The following PLXNC1 variants were observed in gnomAD, a reference collection of about 807,000 sequenced individuals.
The protein encoded by PLXNC1 is plexin-C1.
In PLXNC1, 75 loss-of-function variants were observed where a neutral mutation model predicts 178.2. That is an observed-to-expected ratio of 0.42 (90% CI 0.35 to 0.51). The LOEUF (loss-of-function observed/expected upper bound fraction) is 0.51, where lower values mean the gene tolerates loss of function less well. PLXNC1 is among the 20% of genes least tolerant of loss of function. The pLI, the probability that PLXNC1 is intolerant of heterozygous loss-of-function variation, is 0.02. For synonymous variants in PLXNC1, 790 were observed against 779.9 expected, an observed-to-expected ratio of 1.01 and a Z score of -0.22; for missense variants, 1,503 against 1,984.4, an observed-to-expected ratio of 0.76 and a Z score of 4.61.
chr12:94,195,344 C>T (rs1565804164), intron 4 of PLXNC1, among the ~76,000 whole-genome samples: 1 of 152,126 alleles, frequency 6.6e-6, no homozygotes, highest in Non-Finnish European at 1.5e-5. Context: ...GAGTCAGTTA[C>T]TTGGTGGCTA....
rs201381842 is a variant in PLXNC1, at chr12:94,283,164, C to T, written c.3879+763C>T. 3.9e-3 allele frequency among the ~76,000 whole-genome samples: 578 copies of T among 149,648 alleles called. 4 individuals are homozygous for T. In the East Asian group the frequency reaches 0.041, roughly 11 times the overall value. The stretch of plus-strand genomic sequence containing the variant: ...CCTGGGGAAGGAGTGCAAAAAAGGA[C>T]GGAGAGACAAGTAGAGTCAACACCT... On this transcript the variant is annotated intron_variant, in intron 23 of 30. Transcript: ENST00000258526.
rs192048714 is a variant in PLXNC1 at position 94,186,167 on chromosome 12, A to G, written c.1339-206A>G. ...AGAGTCTCTGCGGCAGAGGCCTGGG[A>G]ATACGCACTGTCAAAAGCTCCCCAG... On this transcript the variant is annotated intron_variant, in intron 3 of 30. Transcript: ENST00000258526. The G allele has an allele frequency of 4.1e-4, 159 of 386,296 alleles. 2 individuals carry two copies. The African/African-American group carries it at 4.1e-3, about 10-fold the overall frequency. 23.9% of individuals were successfully genotyped at this position (386,296 alleles called of 1,614,324 possible). A position where few individuals can be genotyped will look rare whatever the true frequency, so the allele number is the denominator to read the frequency against.
intron 5 of PLXNC1, among the ~76,000 whole-genome samples, chr12:94,213,444 A>T (rs1205326650): frequency 2.0e-5 from 3 of 152,204 alleles, no homozygotes; most frequent in Non-Finnish European, 2.9e-5. Context: ...GGCTGCATAA[A>T]TGTCTTCTTT....
intron 20 of PLXNC1, among the ~76,000 whole-genome samples, chr12:94,264,473 G>A (rs1415157380): frequency 2.0e-5 from 3 of 152,244 alleles, no homozygotes; most frequent in African/African-American, 7.2e-5. Context: ...ATGTCCAGGT[G>A]GGACTGTGCA....
At chr12:94,276,649 G>A (rs114917192) in intron 21 of PLXNC1, among the ~76,000 whole-genome samples, 4,376 of 152,296 alleles carry the variant, frequency 0.029, 217 homozygotes, top group African/African-American at 0.1. Flanking sequence ...CTACAACAGG[G>A]ATGGGAATAA....
intron 1 of PLXNC1, 147 bp from the exon 2 acceptor site, chr12:94,169,006 C>T: frequency 1.4e-6 from 1 of 695,004 alleles, no homozygotes; most frequent in South Asian, 2.1e-5. Flanking sequence ...AAGGTTGCTC[C>T]CGGGGAATCT....
chr12:94,199,795 G>A (rs572733803), intron 4 of PLXNC1, among the ~76,000 whole-genome samples: 6 of 152,150 alleles, frequency 3.9e-5, no homozygotes, highest in African/African-American at 1.2e-4. Context: ...TGTTTGTTTG[G>A]TTGGTTGGTT....
intron 1 of PLXNC1, among the ~76,000 whole-genome samples, chr12:94,154,825 C>G (rs1961100501): frequency 6.6e-6 from 1 of 152,206 alleles, no homozygotes; most frequent in African/African-American, 2.4e-5. Context: ...GTGTTCTGAT[C>G]TATACATCAT....
In PLXNC1 at chr12:94,305,337, CA is replaced by C; in HGVS notation, c.*56del. On this transcript the variant is annotated 3_prime_UTR_variant, in exon 31 of 31. Transcript: ENST00000258526. Reference sequence around the variant, plus strand: ...CAAAGTTCTTCAGACGACTTGGGAGCAAAATGGCTGCTTGAGCTACTCTGTG... The same window carrying C: ...CAAAGTTCTTCAGACGACTTGGGAGCAAATGGCTGCTTGAGCTACTCTGTG... 9.6e-7 allele frequency: 1 copy of C among 1,046,066 alleles called. No homozygotes were observed. The highest frequency in any genetic ancestry group is 1.5e-6 in the Non-Finnish European group (1 of 683,516). 64.8% of individuals were successfully genotyped at this position (1,046,066 alleles called of 1,614,324 possible). A position where few individuals can be genotyped will look rare whatever the true frequency, so the allele number is the denominator to read the frequency against.
intron 20 of PLXNC1, among the ~76,000 whole-genome samples, chr12:94,264,765 C>T (rs1192804728): frequency 1.3e-5 from 2 of 152,072 alleles, no homozygotes; most frequent in Non-Finnish European, 2.9e-5. Flanking sequence ...TAGGCATTAA[C>T]CCACTGATGA....
intron 1 of PLXNC1, among the ~76,000 whole-genome samples, chr12:94,150,630 G>C (rs1021176213): frequency 1.3e-5 from 2 of 152,252 alleles, no homozygotes; most frequent in African/African-American, 4.8e-5. Context: ...AGAGGCTTGC[G>C]CTGGAACCGA....
chr12:94,253,839 A>C (rs1025523264), intron 15 of PLXNC1, among the ~76,000 whole-genome samples: 1 of 151,658 alleles, frequency 6.6e-6, no homozygotes, highest in East Asian at 1.9e-4. Context: ...GCACCCATCT[A>C]ATTTTCTATT....
chr12:94,295,975 TCTTC>T (rs1320231133), intron 24 of PLXNC1, among the ~76,000 whole-genome samples: 2 of 152,190 alleles, frequency 1.3e-5, no homozygotes, highest in African/African-American at 4.8e-5. Context: ...GCACCTGCCT[TCTTC>T]CTTGATGCTT....
intron 24 of PLXNC1, 57 bp from the exon 25 acceptor site, chr12:94,297,132 G>T: frequency 1.3e-6 from 2 of 1,572,888 alleles, no homozygotes; most frequent in Non-Finnish European, 8.7e-7. Context: ...AGGCCGATTA[G>T]CCCATGGTTG....
intron 2 of PLXNC1, among the ~76,000 whole-genome samples, chr12:94,179,514 G>A (rs1429752822): frequency 6.6e-6 from 1 of 152,148 alleles, no homozygotes; most frequent in Non-Finnish European, 1.5e-5. Context: ...GCAGAGGCGA[G>A]CGGATCACCT....
chr12:94,259,696 C>T lies in PLXNC1; in HGVS notation c.3213C>T (p.His1071=), dbSNP rs768327933. The change falls in exon 19 of 31, where the codon CAC becomes CAT. Residue 1071 remains histidine, a synonymous_variant. Transcript: ENST00000258526. The part of the protein sequence containing the change: ...CNKSFLVTVI[H]TLEKQKNFSV... ...AAAGCTTTCTTGTTACTGTCATCCACACCCTTGAAAAGCAGAAGAACTTTT... is the reference window on the plus strand; with the variant it reads ...AAAGCTTTCTTGTTACTGTCATCCATACCCTTGAAAAGCAGAAGAACTTTT... 5 of 1,612,220 alleles carry T rather than the reference C, an allele frequency of 3.1e-6. No homozygotes were observed. In the African/African-American group the frequency reaches 5.3e-5, roughly 17 times the overall value.
intron 23 of PLXNC1, among the ~76,000 whole-genome samples, chr12:94,291,368 C>T (rs1003785852): frequency 6.6e-6 from 1 of 152,118 alleles, no homozygotes; most frequent in Non-Finnish European, 1.5e-5. Context: ...GGACTACAGG[C>T]GTGTGCCACA....
At chr12:94,216,498 G>A (rs1365316323) in intron 5 of PLXNC1, among the ~76,000 whole-genome samples, 1 of 152,140 alleles carries the variant, frequency 6.6e-6, no homozygotes, top group Non-Finnish European at 1.5e-5. Context: ...ACAAATTAAA[G>A]CGATAATAAG....
intron 4 of PLXNC1, among the ~76,000 whole-genome samples, chr12:94,205,959 T>C (rs1397737061): frequency 1.6e-4 from 25 of 152,238 alleles, no homozygotes; most frequent in Non-Finnish European, 1.5e-5. Flanking sequence ...TTGGCAGCTA[T>C]GTGGCCTTGA....
Sources: allele counts gnomAD v4.1 joint callset (sites outside exome capture counted in the v4.1 genomes callset), GRCh38; gene constraint gnomAD v4.1.1; transcripts MANE v1.5; gene names NCBI Gene and HGNC (gene_info 2026-07-23, HGNC 2026-07-21).